SDK1: variants seen among roughly 807,000 people sequenced by gnomAD.
The protein encoded by SDK1 is sidekick cell adhesion molecule 1.
A neutral mutation model predicts 245.5 loss-of-function variants in SDK1; 157 were observed. The observed-to-expected ratio is 0.64, with a 90% CI of 0.56 to 0.73. SDK1 has a LOEUF of 0.73. SDK1 is among the 30% of genes least tolerant of loss of function. The pLI is 0.00. For synonymous variants in SDK1, 1,647 were observed against 1,278.5 expected (o/e 1.29, Z -6.15); for missense variants, 3,583 against 3,002.3 (o/e 1.19, Z -4.52).
intron 28 of SDK1, among the ~76,000 whole-genome samples, chr7:4,142,219 G>A (rs568930186): frequency 9.9e-5 from 15 of 152,264 alleles, no homozygotes; most frequent in East Asian, 3.9e-4. Flanking sequence ...CTGCCTTAGC[G>A]AAAGATTCGT....
chr7:3,957,956 C>G (rs759851260), intron 7 of SDK1: 1 of 470,326 alleles, frequency 2.1e-6, no homozygotes, highest in Non-Finnish European at 4.4e-6. Context: ...CATCACTTTG[C>G]CTCCTTCCAG....
intron 1 of SDK1, among the ~76,000 whole-genome samples, chr7:3,566,925 TG>T (rs1351366214): frequency 6.6e-6 from 1 of 151,962 alleles, no homozygotes; most frequent in Non-Finnish European, 1.5e-5. Context: ...TAGATACAAG[TG>T]GGGATGTGTG....
intron 1 of SDK1, among the ~76,000 whole-genome samples, chr7:3,535,130 G>T (rs555200899): frequency 1.6e-3 from 242 of 152,182 alleles, no homozygotes; most frequent in Admixed American, 2.7e-3. Flanking sequence ...CAAAAAATTA[G>T]CTGGGCATGG....
chr7:3,639,115 G>C lies in SDK1; in HGVS notation c.565+5G>C. The C allele has an allele frequency of 6.4e-7, 1 of 1,551,680 alleles. No homozygotes were observed. Among genetic ancestry groups the C allele is most frequent in the Non-Finnish European group, 8.8e-7 (1 of 1,130,042 alleles). ...AATCAGAAGTTCAAGTCGCATGTAT[G>C]TGTACAGTAAGGAGATGTCCAAATG... is the stretch of plus-strand genomic sequence containing the variant. On this transcript the variant is annotated splice_donor_5th_base_variant and intron_variant, in intron 3 of 44. Transcript: ENST00000404826.
intron 1 of SDK1, among the ~76,000 whole-genome samples, chr7:3,456,478 G>C (rs1279418768): frequency 6.6e-6 from 1 of 152,014 alleles, no homozygotes; most frequent in African/African-American, 2.4e-5. Context: ...TTTATGCTTT[G>C]TTATCTGCAT....
chr7:3,947,858 T>C (rs1780641802), intron 5 of SDK1, among the ~76,000 whole-genome samples: 1 of 152,140 alleles, frequency 6.6e-6, no homozygotes, highest in African/African-American at 2.4e-5. Context: ...AATAGATGCC[T>C]ATAATTTAAA....
At chr7:4,097,911 A>G (rs190349156) in intron 22 of SDK1, among the ~76,000 whole-genome samples, 1 of 152,182 alleles carries the variant, frequency 6.6e-6, no homozygotes, top group African/African-American at 2.4e-5. Flanking sequence ...GACTCCTTCC[A>G]TAATCCCACG....
chr7:3,907,297 C>A (rs1778984567), intron 5 of SDK1, among the ~76,000 whole-genome samples: 1 of 152,170 alleles, frequency 6.6e-6, no homozygotes, highest in South Asian at 2.1e-4. Flanking sequence ...TCCCACCTCC[C>A]CTTTCGCCAC....
chr7:3,401,597 G>T (rs1321183353), intron 1 of SDK1, among the ~76,000 whole-genome samples: 1 of 152,134 alleles, frequency 6.6e-6, no homozygotes, highest in Non-Finnish European at 1.5e-5. Context: ...TACTGAGCCA[G>T]CCGTAGTTCA....
intron 13 of SDK1, among the ~76,000 whole-genome samples, chr7:3,977,600 T>C (rs572304493): frequency 6.6e-6 from 1 of 152,352 alleles, no homozygotes; most frequent in South Asian, 2.1e-4. Flanking sequence ...GGTCTCCTGA[T>C]CATGCACCCC....
intron 2 of SDK1, among the ~76,000 whole-genome samples, chr7:3,635,017 C>A (rs1025594822): frequency 6.6e-6 from 1 of 152,306 alleles, no homozygotes; most frequent in African/African-American, 2.4e-5. Context: ...ACTGCAATTA[C>A]TTGTGCTATT....
chr7:3,978,800 G>T (rs543977079), intron 13 of SDK1, among the ~76,000 whole-genome samples: 1 of 152,292 alleles, frequency 6.6e-6, no homozygotes, highest in East Asian at 1.9e-4. Context: ...ACTGAGAGGT[G>T]CTTATGACTA....
chr7:3,991,191 G>A (rs189013766), intron 14 of SDK1, among the ~76,000 whole-genome samples: 2 of 152,298 alleles, frequency 1.3e-5, no homozygotes, highest in Admixed American at 1.3e-4. Context: ...GACGGGCGAC[G>A]AGGGACAGCA....
rs957368543 is a variant in SDK1 at position 4,219,222 on chromosome 7, C to A, written c.5540-887C>A. On this transcript the variant is annotated intron_variant, in intron 38 of 44. Transcript: ENST00000404826. ...TTATGACTCATTTGAGGCCTGTAGG[C>A]CGCAAGTTGGCCAACCCAGGCAGGC... Among the ~76,000 whole-genome samples, 6 of 152,200 alleles carry A rather than the reference C, an allele frequency of 3.9e-5. No homozygotes were observed. The South Asian group carries it at 1.0e-3, about 26-fold the overall frequency.
chr7:3,787,826 A>G (rs1446379862), intron 4 of SDK1, among the ~76,000 whole-genome samples: 2 of 152,202 alleles, frequency 1.3e-5, no homozygotes, highest in African/African-American at 2.4e-5. Flanking sequence ...GAAGTCCTGC[A>G]TGAAAGCATT....
chr7:3,498,369 G>C (rs1782088659), intron 1 of SDK1, among the ~76,000 whole-genome samples: 1 of 152,122 alleles, frequency 6.6e-6, no homozygotes. Context: ...TTATTTACCA[G>C]CCTTCTAGAC....
chr7:3,547,233 C>T (rs753417117), intron 1 of SDK1, among the ~76,000 whole-genome samples: 4 of 152,034 alleles, frequency 2.6e-5, no homozygotes, highest in Non-Finnish European at 5.9e-5. Flanking sequence ...TTGATAGCCA[C>T]ATATTTAAGG....
intron 16 of SDK1, among the ~76,000 whole-genome samples, chr7:4,014,793 C>G (rs1024055061): frequency 1.3e-5 from 2 of 152,190 alleles, no homozygotes; most frequent in Non-Finnish European, 2.9e-5. Flanking sequence ...ATCCTACCAG[C>G]AAGAGGAGGC....
chr7:3,699,112 T>C (rs1784667903), intron 4 of SDK1, among the ~76,000 whole-genome samples: 3 of 152,180 alleles, frequency 2.0e-5, no homozygotes, highest in Non-Finnish European at 1.5e-5. Flanking sequence ...GGCACTTCTC[T>C]TGGATTCCTA....
Sources: gnomAD v4.1 joint callset for allele counts (sites outside exome capture counted in the v4.1 genomes callset) on GRCh38, gnomAD v4.1.1 for gene constraint, MANE v1.5 for transcripts, NCBI Gene and HGNC (gene_info 2026-07-23, HGNC 2026-07-21) for gene names.